P2RY2: variants seen among roughly 807,000 people sequenced by gnomAD.
P2RY2 encodes the protein P2Y purinoceptor 2.
For missense variants in P2RY2, 567 were observed against 515.7 expected (o/e 1.10, Z -0.96); for synonymous variants, 241 against 231.9 (o/e 1.04, Z -0.35).
chr11:73,234,848 A>G lies in P2RY2; in HGVS notation c.689A>G (p.Tyr230Cys). ...LMARRLLKPAYGTSGGLPRAK... is the reference protein window; with the variant it reads ...LMARRLLKPACGTSGGLPRAK... ...GCTCGGCGACTGCTAAAGCCAGCCT[A>G]CGGGACCTCGGGCGGCCTGCCTAGG... The change falls in exon 3 of 3, where the codon TAC (tyrosine) becomes TGC (cysteine). Residue 230 changes from tyrosine (Y) to cysteine (C), a missense_variant. By Grantham distance (194) the Tyr-to-Cys change is radical (BLOSUM62 -2). Coordinates refer to ENST00000393597, the MANE Select transcript of P2RY2 (RefSeq NM_002564.4). 6.2e-7 allele frequency: 1 copy of G among 1,610,754 alleles called. No individual in the cohort carries two copies. The highest frequency in any genetic ancestry group is 8.5e-7 in the Non-Finnish European group (1 of 1,179,944).
Position 73,234,496 on chromosome 11 carries a change from T to C in P2RY2, c.337T>C (p.Phe113Leu), listed in dbSNP as rs762696249. ...GCTCTGCAAGCTGGTGCGCTTCCTC[T>C]TCTACACCAACCTTTACTGCAGCAT... Reference protein sequence around the residue: ...TVLCKLVRFLFYTNLYCSILF... With the variant: ...TVLCKLVRFLLYTNLYCSILF... The change falls in exon 3 of 3, where the codon TTC becomes CTC. Residue 113 changes from phenylalanine (F) to leucine (L), a missense_variant. Coordinates refer to ENST00000393597, the MANE Select transcript of P2RY2 (RefSeq NM_002564.4). The C allele has an allele frequency of 3.5e-5, 56 of 1,613,952 alleles. No individual in the cohort carries two copies. Among genetic ancestry groups the C allele is most frequent in the Non-Finnish European group, 4.7e-5 (56 of 1,179,870 alleles).
At chr11:73,233,660 A>G (rs1862525914) in intron 2 of P2RY2, among the ~76,000 whole-genome samples, 1 of 152,224 alleles carries the variant, frequency 6.6e-6, no homozygotes, top group Non-Finnish European at 1.5e-5. Flanking sequence ...ATGCCTGGCT[A>G]ATTTTTAAAA....
At position 73,238,125 on chromosome 11, in the gene P2RY2, G is replaced by A. The variant is rs190709069; in HGVS notation, c.*2832G>A. ...CAAGGTCATTCAGCAGGTCAGCGTG[G>A]CGCCTGGATGTAAGCAAGTGCCTTG... On this transcript the variant is annotated 3_prime_UTR_variant, in exon 3 of 3. Transcript: ENST00000393597. Among the ~76,000 whole-genome samples the A allele has an allele frequency of 2.6e-3, 391 of 152,308 alleles. 1 individual carries two copies. The highest frequency in any genetic ancestry group is 9.1e-3 in the African/African-American group (377 of 41,560).
In P2RY2 at chr11:73,239,924, G is replaced by A. The variant is rs1328700559; in HGVS notation, c.*4631G>A. ...GCTCCTGCCTCCTGCAAGGTGGAGG[G>A]TGGGGCTTGGCCAGGAGTGACCAGA... On this transcript the variant is annotated 3_prime_UTR_variant, in exon 3 of 3. Coordinates refer to ENST00000393597, the MANE Select transcript of P2RY2 (RefSeq NM_002564.4). The A allele has an allele frequency of 1.3e-5, 2 of 152,494 alleles. No individual in the cohort carries two copies. The highest frequency in any genetic ancestry group is 2.9e-5 in the Non-Finnish European group (2 of 68,224). 9.4% of individuals were successfully genotyped at this position (152,494 alleles called of 1,614,324 possible).
Position 73,234,208 on chromosome 11 carries a change from G to C in P2RY2, c.49G>C (p.Asp17His). 6.2e-7 allele frequency: 1 copy of C among 1,614,086 alleles called. No individual in the cohort carries two copies. Among genetic ancestry groups the C allele is most frequent in the African/African-American group, 1.3e-5 (1 of 75,050 alleles). Reference sequence around the variant, plus strand: ...GAATGACACCATCAATGGCACCTGGGATGGGGATGAGCTGGGCTACAGGTG... The same window carrying C: ...GAATGACACCATCAATGGCACCTGGCATGGGGATGAGCTGGGCTACAGGTG... ...PWNDTINGTW[D>H]GDELGYRCRF... is the part of the protein sequence containing the mutation. Residue 17 changes from aspartate (D) to histidine (H), a missense_variant, in exon 3 of 3, where the codon GAT (aspartate) becomes CAT (histidine). By Grantham distance (81) the Asp-to-His change is moderately conservative (BLOSUM62 -1). Transcript: ENST00000393597.
intron 2 of P2RY2, 135 bp downstream of exon 2, chr11:73,228,310 C>G (rs73538711): frequency 0.091 from 13,921 of 152,396 alleles, 1,471 homozygotes; most frequent in African/African-American, 0.26. Context: ...CCTGCTCCCC[C>G]ATCCCAGGCT....
chr11:73,222,617 T>C (rs1862153076), intron 1 of P2RY2, among the ~76,000 whole-genome samples: 1 of 152,124 alleles, frequency 6.6e-6, no homozygotes, highest in African/African-American at 2.4e-5. Flanking sequence ...CCTCCCAGCC[T>C]TTTTCCAGCA....
Position 73,238,039 on chromosome 11 carries a change from GA to G in P2RY2, c.*2747del, listed in dbSNP as rs1237325512. 6.6e-6 allele frequency among the ~76,000 whole-genome samples: 1 copy of G among 152,234 alleles called. No homozygotes were observed. The highest frequency in any genetic ancestry group is 1.5e-5 in the Non-Finnish European group (1 of 68,040). On this transcript the variant is annotated 3_prime_UTR_variant, in exon 3 of 3. Coordinates refer to ENST00000393597, the MANE Select transcript of P2RY2 (RefSeq NM_002564.4). ...ACGTGAGTTGCCCATCCACTGAGCA[GA>G]CCCCAGGGATTATCCAGCCCAGCTG... is the stretch of plus-strand genomic sequence containing the variant.
Position 73,228,106 on chromosome 11 carries a change from G to A in P2RY2, c.-74G>A, listed in dbSNP as rs966279952. On this transcript the variant is annotated 5_prime_UTR_variant, in exon 2 of 3. It adds an upstream start codon to the 5' untranslated region. Transcript: ENST00000393597. ...CCTGCAGCCCGGTCCAGGTCCAGGCGTGTGCATTCATGAGTGAGGAACCCG... is the reference window on the plus strand; with the variant it reads ...CCTGCAGCCCGGTCCAGGTCCAGGCATGTGCATTCATGAGTGAGGAACCCG... 1.1e-4 allele frequency: 16 copies of A among 151,288 alleles called. 1 individual carries two copies. Among genetic ancestry groups the A allele is most frequent in the African/African-American group, 2.7e-4 (11 of 41,092 alleles). 9.4% of individuals were successfully genotyped at this position (151,288 alleles called of 1,614,324 possible). A position where few individuals can be genotyped will look rare whatever the true frequency, so the allele number is the denominator to read the frequency against.
chr11:73,236,771 T>A lies in P2RY2; in HGVS notation c.*1478T>A, dbSNP rs1036270331. The stretch of plus-strand genomic sequence containing the variant: ...CTGGGAAAATCCCAGAATGGCAGGG[T>A]GGTGCTCAGGCTGGGTCAGGACTTA... On this transcript the variant is annotated 3_prime_UTR_variant, in exon 3 of 3. Transcript: ENST00000393597. The A allele has an allele frequency of 2.0e-6, 2 of 985,232 alleles. No homozygotes were observed. Among genetic ancestry groups the A allele is most frequent in the African/African-American group, 3.5e-5 (2 of 57,210 alleles). The allele number at this position is 985,232 out of a possible 1,614,324, so 61.0% of individuals were successfully genotyped here. A position where few individuals can be genotyped will look rare whatever the true frequency, so the allele number is the denominator to read the frequency against.
In P2RY2 at chr11:73,230,158, C is replaced by T. The variant is rs190813754; in HGVS notation, c.-5+1983C>T. 3.3e-3 allele frequency among the ~76,000 whole-genome samples: 502 copies of T among 152,124 alleles called. 1 individual carries two copies. The highest frequency in any genetic ancestry group is 0.011 in the African/African-American group (470 of 41,462). On this transcript the variant is annotated intron_variant, in intron 2 of 2. Coordinates refer to ENST00000393597, the MANE Select transcript of P2RY2 (RefSeq NM_002564.4). Reference sequence around the variant, plus strand: ...TCCTCCTGCAGCTTCTGTGAGCCAGCGACTCTCAGCTGGCCTTCCAAAGCT... The same window carrying T: ...TCCTCCTGCAGCTTCTGTGAGCCAGTGACTCTCAGCTGGCCTTCCAAAGCT...
rs1325272019 is a variant in P2RY2 at position 73,228,181 on chromosome 11, TGGGG to T, written c.-5+7_-5+10del. ...GGAGAGCAGGGGCTGGTCAGGTACG[TGGGG>T]TGGGGGTGGGGGGGAGCGGGTACGC... On this transcript the variant is annotated splice_region_variant and intron_variant, in intron 2 of 2. Coordinates refer to ENST00000393597, the MANE Select transcript of P2RY2 (RefSeq NM_002564.4). The T allele has an allele frequency of 4.9e-5, 5 of 101,118 alleles. No homozygotes were observed. The highest frequency in any genetic ancestry group is 3.8e-4 in the African/African-American group (5 of 13,132). The allele number at this position is 101,118 out of a possible 1,614,324, so 6.3% of individuals were successfully genotyped here.
At chr11:73,230,015 G>A (rs1040228972) in intron 2 of P2RY2, among the ~76,000 whole-genome samples, 4 of 152,042 alleles carry the variant, frequency 2.6e-5, no homozygotes, top group Non-Finnish European at 5.9e-5. Flanking sequence ...GTCACCTGGC[G>A]TTTTGTGGCA....
intron 1 of P2RY2, among the ~76,000 whole-genome samples, chr11:73,225,028 C>G (rs10082637): frequency 1.3e-5 from 2 of 152,192 alleles, no homozygotes; most frequent in African/African-American, 4.8e-5. Flanking sequence ...CTCTTGCCCC[C>G]TCAATGAGGT....
chr11:73,223,194 G>A (rs1375764419), intron 1 of P2RY2, among the ~76,000 whole-genome samples: 2 of 152,150 alleles, frequency 1.3e-5, no homozygotes, highest in Non-Finnish European at 2.9e-5. Flanking sequence ...TACCTGGAGG[G>A]GCCATCTCAG....
rs779575438 is a variant in P2RY2, at chr11:73,234,627, C to A, written c.468C>A (p.Ala156=). The A allele has an allele frequency of 6.4e-7, 1 of 1,570,200 alleles. No homozygotes were observed. The highest frequency in any genetic ancestry group is 1.2e-5 in the South Asian group (1 of 83,396). The change falls in exon 3 of 3, where the codon GCC becomes GCA. Residue 156 remains alanine, a synonymous_variant. Coordinates refer to ENST00000393597, the MANE Select transcript of P2RY2 (RefSeq NM_002564.4). Reference sequence around the variant, plus strand: ...GCTACGCTCGCCGGGTGGCCGGGGCCGTGTGGGTGTTGGTGCTGGCCTGCC... The same window carrying A: ...GCTACGCTCGCCGGGTGGCCGGGGCAGTGTGGGTGTTGGTGCTGGCCTGCC... ...RARYARRVAG[A]VWVLVLACQA...
At chr11:73,229,792 T>C (rs1565139627) in intron 2 of P2RY2, among the ~76,000 whole-genome samples, 1 of 152,060 alleles carries the variant, frequency 6.6e-6, no homozygotes, top group South Asian at 2.1e-4. Flanking sequence ...GATGTTTATG[T>C]TGACTGTGAA....
At chr11:73,223,512 C>T (rs1037473777) in intron 1 of P2RY2, among the ~76,000 whole-genome samples, 1 of 152,188 alleles carries the variant, frequency 6.6e-6, no homozygotes, top group African/African-American at 2.4e-5. Context: ...CCAAGGTGCA[C>T]CCACCTGCCC....
chr11:73,221,578 G>A (rs1166218363), intron 1 of P2RY2, among the ~76,000 whole-genome samples: 3 of 152,194 alleles, frequency 2.0e-5, no homozygotes, highest in Non-Finnish European at 4.4e-5. Flanking sequence ...ATGCCTTGTT[G>A]ATCTGGTGAG....
Sources: allele counts gnomAD v4.1 joint callset (sites outside exome capture counted in the v4.1 genomes callset), GRCh38; gene constraint gnomAD v4.1.1; transcripts MANE v1.5; gene names NCBI Gene and HGNC (gene_info 2026-07-23, HGNC 2026-07-21).